Variants in PPDPFL observed in about 807,000 individuals in gnomAD.
The protein encoded by PPDPFL is pancreatic progenitor cell differentiation and proliferation factor like.
A neutral mutation model predicts 12.6 loss-of-function variants in PPDPFL; 12 were observed. That is an observed-to-expected ratio of 0.95 (90% confidence interval 0.61 to 1.54). The LOEUF is 1.54. Among genes scored for constraint, PPDPFL ranks in the 40% most tolerant of loss-of-function variants. The pLI is 0.00. For synonymous variants in PPDPFL, 24 were observed against 32.7 expected, an observed-to-expected ratio of 0.73 and a Z score of 0.91; for missense variants, 114 against 96.0, an observed-to-expected ratio of 1.19 and a Z score of -0.78.
At chr8:49,075,056 T>C in intron 4 of PPDPFL, 96 bp from the exon 5 acceptor site, 1 of 1,518,032 alleles carries the variant, frequency 6.6e-7, no homozygotes, top group Non-Finnish European at 8.9e-7. Context: ...AAAGATGTTT[T>C]CTTGACACTC....
chr8:49,060,603 G>A (rs374570785), intron 1 of PPDPFL, among the ~76,000 whole-genome samples: 19 of 152,176 alleles, frequency 1.2e-4, no homozygotes, highest in African/African-American at 3.9e-4. Flanking sequence ...GTGAGCCACC[G>A]TGCCCAGCCC....
intron 2 of PPDPFL, 138 bp downstream of exon 2, chr8:49,073,023 G>A: frequency 1.3e-6 from 1 of 762,586 alleles, no homozygotes. Flanking sequence ...AAAGCAGGAG[G>A]CCTCAGGGAC....
chr8:49,056,571 A>G (rs1160488555), intron 1 of PPDPFL, among the ~76,000 whole-genome samples: 1 of 152,210 alleles, frequency 6.6e-6, no homozygotes, highest in African/African-American at 2.4e-5. Context: ...GTATACATAC[A>G]CAAAAAGTCT....
At chr8:49,061,227 A>C (rs1051577464) in intron 1 of PPDPFL, among the ~76,000 whole-genome samples, 1 of 152,186 alleles carries the variant, frequency 6.6e-6, no homozygotes, top group African/African-American at 2.4e-5. Context: ...AGGTAATTAC[A>C]TTAAAATGAG....
At chr8:49,070,355 G>A (rs1808358399), upstream of PPDPFL, among the ~76,000 whole-genome samples, 2 of 152,192 alleles carry the variant, frequency 1.3e-5, no homozygotes, top group Admixed American at 1.3e-4. Context: ...CGTGTTACCT[G>A]TGTAACAAAC....
chr8:49,060,455 A>C (rs552959117), intron 1 of PPDPFL, among the ~76,000 whole-genome samples: 1 of 152,206 alleles, frequency 6.6e-6, no homozygotes, highest in Admixed American at 6.5e-5. Context: ...CTGGGATTAC[A>C]GGCATGCGGC....
intron 4 of PPDPFL, 47 bp from the exon 5 acceptor site, chr8:49,075,105 T>G (rs1159973525): frequency 1.9e-6 from 3 of 1,603,552 alleles, no homozygotes; most frequent in East Asian, 4.5e-5. Context: ...TGGACAGTGT[T>G]TCATTTATTT....
chr8:49,063,188 T>C (rs1808240867), intron 1 of PPDPFL, among the ~76,000 whole-genome samples: 1 of 152,208 alleles, frequency 6.6e-6, no homozygotes. Flanking sequence ...CCACTGGTCG[T>C]AATGGCCAGT....
chr8:49,074,378 A>G, intron 4 of PPDPFL, 45 bp downstream of exon 4: 1 of 1,593,596 alleles, frequency 6.3e-7, no homozygotes. Flanking sequence ...TACTTAGTGA[A>G]TGAAATAATG....
chr8:49,070,936 G>C (rs574814011), upstream of PPDPFL, among the ~76,000 whole-genome samples: 23 of 152,048 alleles, frequency 1.5e-4, no homozygotes, highest in African/African-American at 4.3e-4. Flanking sequence ...GTACGCAGTG[G>C]AACAGTATTA....
intron 1 of PPDPFL, among the ~76,000 whole-genome samples, chr8:49,055,495 C>T (rs566341944): frequency 3.1e-4 from 47 of 152,252 alleles, no homozygotes; most frequent in African/African-American, 1.1e-3. Flanking sequence ...GTGTTCTTTG[C>T]TGGTCTCTAT....
At chr8:49,064,010 C>G (rs1040805368) in intron 1 of PPDPFL, among the ~76,000 whole-genome samples, 1 of 152,138 alleles carries the variant, frequency 6.6e-6, no homozygotes, top group Non-Finnish European at 1.5e-5. Flanking sequence ...GAGGGTTGGT[C>G]ATGCAGGCAT....
intron 1 of PPDPFL, among the ~76,000 whole-genome samples, chr8:49,063,306 G>C (rs1386718638): frequency 6.6e-6 from 1 of 152,164 alleles, no homozygotes; most frequent in Non-Finnish European, 1.5e-5. Flanking sequence ...GGCAAGGCTT[G>C]GTGCCAGCTT....
At chr8:49,054,891 C>T (rs981804732) in intron 1 of PPDPFL, among the ~76,000 whole-genome samples, 2 of 152,130 alleles carry the variant, frequency 1.3e-5, no homozygotes, top group Non-Finnish European at 2.9e-5. Context: ...TCTTGTAGGG[C>T]AGGCTCACTT....
At chr8:49,068,075 G>T (rs10957356), upstream of PPDPFL, among the ~76,000 whole-genome samples, 1 of 151,860 alleles carries the variant, frequency 6.6e-6, no homozygotes, top group East Asian at 1.9e-4. Flanking sequence ...ATTATTACCC[G>T]AGGATGTAAT....
chr8:49,072,969 T>C, intron 2 of PPDPFL, 84 bp downstream of exon 2: 1 of 1,221,720 alleles, frequency 8.2e-7, no homozygotes. Flanking sequence ...AGGTATCATG[T>C]TACCTTCAGA....
At chr8:49,074,527 C>T in intron 4 of PPDPFL, 194 bp downstream of exon 4, 1 of 1,537,264 alleles carries the variant, frequency 6.5e-7, no homozygotes, top group Non-Finnish European at 8.7e-7. Context: ...TCAGGAAGAT[C>T]ATAGCACCCT....
intron 1 of PPDPFL, among the ~76,000 whole-genome samples, chr8:49,066,587 A>G (rs1808304736): frequency 6.6e-6 from 1 of 152,096 alleles, no homozygotes; most frequent in African/African-American, 2.4e-5. Flanking sequence ...AAGAGAGGGC[A>G]CTCTGAGCCC....
chr8:49,059,606 T>C (rs1273230139), intron 1 of PPDPFL, among the ~76,000 whole-genome samples: 2 of 152,230 alleles, frequency 1.3e-5, no homozygotes, highest in African/African-American at 4.8e-5. Context: ...ACTCTGTAAT[T>C]ACCTAAAATT....
Sources: allele counts gnomAD v4.1 joint callset (sites outside exome capture counted in the v4.1 genomes callset), GRCh38; gene constraint gnomAD v4.1.1; transcripts MANE v1.5; gene names NCBI Gene and HGNC (gene_info 2026-07-23, HGNC 2026-07-21).